The following ADAMTS3 variants were observed in gnomAD, a reference collection of about 807,000 sequenced individuals.
The protein encoded by ADAMTS3 is A disintegrin and metalloproteinase with thrombospondin motifs 3.
In ADAMTS3, 73 loss-of-function variants were observed where a neutral mutation model predicts 129.0. The observed-to-expected ratio is 0.57, with a 90% CI of 0.47 to 0.69. The LOEUF (loss-of-function observed/expected upper bound fraction) is 0.69. ADAMTS3 is among the 30% of genes least tolerant of loss of function. ADAMTS3 has a pLI of 0.00. For synonymous variants in ADAMTS3, 477 were observed against 510.8 expected (o/e 0.93, Z 0.89); for missense variants, 1,457 against 1,514.5 (o/e 0.96, Z 0.63).
chr4:72,450,872 A>C (rs1718379738), intron 3 of ADAMTS3, among the ~76,000 whole-genome samples: 1 of 151,162 alleles, frequency 6.6e-6, no homozygotes, highest in East Asian at 2.0e-4. Context: ...ACTACCCCCA[A>C]AACAGGAATA....
At chr4:72,552,273 A>G (rs1028493280) in intron 2 of ADAMTS3, among the ~76,000 whole-genome samples, 1 of 152,204 alleles carries the variant, frequency 6.6e-6, no homozygotes, top group Non-Finnish European at 1.5e-5. Context: ...TCAACTGTTA[A>G]CTGGAGGTTA....
intron 3 of ADAMTS3, among the ~76,000 whole-genome samples, chr4:72,415,976 G>C (rs1722294133): frequency 6.6e-6 from 1 of 151,576 alleles, no homozygotes; most frequent in Non-Finnish European, 1.5e-5. Context: ...ATTTAGAGAT[G>C]CCATATTTTT....
intron 10 of ADAMTS3, among the ~76,000 whole-genome samples, chr4:72,316,916 T>A (rs1719413341): frequency 6.6e-6 from 1 of 152,136 alleles, no homozygotes; most frequent in Non-Finnish European, 1.5e-5. Context: ...TGGTTATAAG[T>A]AAGACAGCAA....
chr4:72,558,308 G>C (rs142062973), intron 2 of ADAMTS3, among the ~76,000 whole-genome samples: 18 of 151,874 alleles, frequency 1.2e-4, no homozygotes, highest in African/African-American at 3.6e-4. Flanking sequence ...AGCTGTAAGA[G>C]AGAATCTGTT....
At chr4:72,362,483 C>T (rs1349554361) in intron 4 of ADAMTS3, among the ~76,000 whole-genome samples, 1 of 152,148 alleles carries the variant, frequency 6.6e-6, no homozygotes, top group Non-Finnish European at 1.5e-5. Flanking sequence ...CGAAAGAATA[C>T]AATGTCAAAG....
intron 4 of ADAMTS3, among the ~76,000 whole-genome samples, chr4:72,408,351 C>T (rs1306758733): frequency 6.6e-6 from 1 of 151,874 alleles, no homozygotes; most frequent in Non-Finnish European, 1.5e-5. Flanking sequence ...GAATCCTCCA[C>T]AGAGACATAG....
At chr4:72,430,592 G>C (rs1483708020) in intron 3 of ADAMTS3, among the ~76,000 whole-genome samples, 2 of 151,920 alleles carry the variant, frequency 1.3e-5, no homozygotes. Context: ...CTCTTGGAAT[G>C]CCTAACATAC....
chr4:72,342,076 G>T (rs994688433), intron 4 of ADAMTS3, among the ~76,000 whole-genome samples: 11 of 152,146 alleles, frequency 7.2e-5, no homozygotes, highest in Admixed American at 6.6e-4. Flanking sequence ...GACAATAAGA[G>T]AAATTGACAT....
intron 3 of ADAMTS3, among the ~76,000 whole-genome samples, chr4:72,539,590 A>G (rs1210925383): frequency 6.6e-6 from 1 of 151,800 alleles, no homozygotes; most frequent in East Asian, 1.9e-4. Flanking sequence ...GTAAAATGGT[A>G]TAGCTACTTA....
At chr4:72,419,519 C>T (rs1722391085) in intron 3 of ADAMTS3, among the ~76,000 whole-genome samples, 1 of 152,152 alleles carries the variant, frequency 6.6e-6, no homozygotes, top group African/African-American at 2.4e-5. Flanking sequence ...GCAAGCTTGT[C>T]CAACCTGTGT....
chr4:72,355,423 G>T (rs1387406484), intron 4 of ADAMTS3, among the ~76,000 whole-genome samples: 1 of 151,938 alleles, frequency 6.6e-6, no homozygotes, highest in Non-Finnish European at 1.5e-5. Context: ...CGACATCAGA[G>T]AAAATTCTTG....
At position 72,339,444 on chromosome 4, in the gene ADAMTS3, G is replaced by A. The variant is rs753425753; in HGVS notation, c.861+50C>T. 10 of 1,580,026 alleles carry A rather than the reference G, an allele frequency of 6.3e-6. No individual in the cohort carries two copies. The Admixed American group carries it at 1.3e-4, about 21-fold the overall frequency. ...ATTGCCAAAGGGTACCAACAAATAA[G>A]AGAAGTGAATTAAAAGATCAAAAAG... On this transcript the variant is annotated intron_variant, in intron 5 of 21. Transcript: ENST00000286657.
intron 3 of ADAMTS3, among the ~76,000 whole-genome samples, chr4:72,426,589 AAT>A (rs1285343538): frequency 6.6e-6 from 1 of 152,174 alleles, no homozygotes; most frequent in African/African-American, 2.4e-5. Flanking sequence ...ACAATATAAC[AAT>A]AAAAAACTAA....
chr4:72,365,448 A>G (rs899761100), intron 4 of ADAMTS3, among the ~76,000 whole-genome samples: 1 of 152,306 alleles, frequency 6.6e-6, no homozygotes, highest in African/African-American at 2.4e-5. Flanking sequence ...GCAGTAGAGT[A>G]TTATTTGTGA....
intron 3 of ADAMTS3, among the ~76,000 whole-genome samples, chr4:72,456,269 C>CTA (rs1219979691): frequency 3.7e-3 from 415 of 111,524 alleles, no homozygotes; most frequent in Non-Finnish European, 5.1e-3. Flanking sequence ...ACTGTATATA[C>CTA]TATATATATT....
chr4:72,405,410 T>A (rs1160432806), intron 4 of ADAMTS3, among the ~76,000 whole-genome samples: 2 of 151,994 alleles, frequency 1.3e-5, no homozygotes, highest in African/African-American at 4.8e-5. Context: ...TAAAAAAATA[T>A]AAAGAGACTC....
intron 4 of ADAMTS3, among the ~76,000 whole-genome samples, chr4:72,401,064 A>G (rs1721901520): frequency 6.6e-6 from 1 of 151,664 alleles, no homozygotes; most frequent in Non-Finnish European, 1.5e-5. Flanking sequence ...AAATTCAATA[A>G]AAATAAAAGT....
chr4:72,328,489 A>G lies in ADAMTS3; in HGVS notation c.862-5392T>C, dbSNP rs557203721. On this transcript the variant is annotated intron_variant, in intron 5 of 21. Transcript: ENST00000286657. The stretch of plus-strand genomic sequence containing the variant: ...GGTGGATCAGGTCTTGAGAGGCTGG[A>G]TAGCTTAGCAGTGGAGAGCATGAGC... Among the ~76,000 whole-genome samples the G allele has an allele frequency of 4.0e-4, 61 of 152,256 alleles. 1 individual carries two copies. In the South Asian group the frequency reaches 0.013, roughly 32 times the overall value.
intron 3 of ADAMTS3, among the ~76,000 whole-genome samples, chr4:72,505,494 T>C (rs1300092545): frequency 6.6e-6 from 1 of 152,210 alleles, no homozygotes; most frequent in Non-Finnish European, 1.5e-5. Flanking sequence ...AAGCTGTCTG[T>C]TGCCCCAGGG....
Sources: allele counts gnomAD v4.1 joint callset (sites outside exome capture counted in the v4.1 genomes callset), GRCh38; gene constraint gnomAD v4.1.1; transcripts MANE v1.5; gene names NCBI Gene and HGNC (gene_info 2026-07-23, HGNC 2026-07-21).